The following AMPH variants were observed in gnomAD, a reference collection of about 807,000 sequenced individuals.
The protein encoded by AMPH is amphiphysin (Stiff-Mann syndrome with breast cancer 128kD autoantigen).
Under a neutral mutation model 99.1 loss-of-function variants are expected in AMPH, and 49 were observed. That is an observed-to-expected ratio of 0.49 (90% CI 0.39 to 0.63). The LOEUF (loss-of-function observed/expected upper bound fraction) is 0.63, where lower values mean the gene tolerates loss of function less well. Among genes scored for constraint, AMPH ranks in the 20% least tolerant of loss-of-function variants. The pLI is 0.00. For missense variants in AMPH, 759 were observed against 863.4 expected, an observed-to-expected ratio of 0.88 and a Z score of 1.52; for synonymous variants, 314 against 317.3, an observed-to-expected ratio of 0.99 and a Z score of 0.11.
chr7:38,581,650 A>G (rs1266746752), intron 1 of AMPH, among the ~76,000 whole-genome samples: 2 of 152,202 alleles, frequency 1.3e-5, no homozygotes, highest in Admixed American at 6.5e-5. Flanking sequence ...TAGTGGAGCA[A>G]GGAAAGGACA....
chr7:38,594,609 C>T (rs1410920612), intron 1 of AMPH, among the ~76,000 whole-genome samples: 3 of 152,080 alleles, frequency 2.0e-5, no homozygotes, highest in Non-Finnish European at 4.4e-5. Flanking sequence ...GCATCTCTTC[C>T]ACTCCAATGG....
chr7:38,513,417 G>C (rs116882114), intron 2 of AMPH, among the ~76,000 whole-genome samples: 1 of 152,232 alleles, frequency 6.6e-6, no homozygotes, highest in East Asian at 1.9e-4. Context: ...GCTGAAAATG[G>C]GATTGTGGAA....
intron 2 of AMPH, among the ~76,000 whole-genome samples, chr7:38,521,913 A>G (rs568136364): frequency 1.1e-4 from 16 of 152,326 alleles, no homozygotes; most frequent in Admixed American, 9.8e-4. Flanking sequence ...GTCACCAGAC[A>G]TTGAAAATTC....
At chr7:38,506,925 G>A (rs767293191) in intron 2 of AMPH, among the ~76,000 whole-genome samples, 82 of 152,166 alleles carry the variant, frequency 5.4e-4, no homozygotes, top group Non-Finnish European at 1.1e-3. Context: ...GTTAAGCAAG[G>A]CTCACTTCTC....
At chr7:38,550,204 C>A (rs1051384559) in intron 1 of AMPH, among the ~76,000 whole-genome samples, 4 of 152,200 alleles carry the variant, frequency 2.6e-5, no homozygotes, top group African/African-American at 9.7e-5. Flanking sequence ...TAAATCCTTG[C>A]CACTTAAAGT....
intron 7 of AMPH, among the ~76,000 whole-genome samples, chr7:38,473,674 G>T (rs1490231340): frequency 2.1e-5 from 1 of 48,566 alleles, no homozygotes; most frequent in Non-Finnish European, 3.3e-5. Flanking sequence ...ACTGCAGTCC[G>T]CAGTCCGACC....
rs751967424 is a variant in AMPH at position 38,477,019 on chromosome 7, C to T, written c.397-50G>A. ...AAGAAAGAAGCATGGACATAAGAGT[C>T]TCCCTTTGACAGCCAGGTGCCAAAA... On this transcript the variant is annotated intron_variant, in intron 5 of 20. Coordinates refer to ENST00000356264, the MANE Select transcript of AMPH (RefSeq NM_001635.4). 12 of 1,539,126 alleles carry T rather than the reference C, an allele frequency of 7.8e-6. No homozygotes were observed. The South Asian group carries it at 1.2e-4, about 16-fold the overall frequency.
At chr7:38,556,337 G>C (rs1324452245) in intron 1 of AMPH, among the ~76,000 whole-genome samples, 6 of 152,162 alleles carry the variant, frequency 3.9e-5, no homozygotes, top group African/African-American at 1.4e-4. Flanking sequence ...GACACCTGCT[G>C]TATGCCAGAC....
chr7:38,480,893 C>T (rs1294010598), intron 5 of AMPH, among the ~76,000 whole-genome samples: 4 of 152,132 alleles, frequency 2.6e-5, no homozygotes, highest in African/African-American at 9.7e-5. Flanking sequence ...TAATATCTTC[C>T]AAGTAGCAAA....
rs545133853 is a variant in AMPH at position 38,450,080 on chromosome 7, C to T, written c.1017+11203G>A. ...GAAAAGCCAATGGTGCTCAATTGGT[C>T]CCAACACTCAGGATTGAAAGGCTGT... On this transcript the variant is annotated intron_variant, in intron 11 of 20. Coordinates refer to ENST00000356264, the MANE Select transcript of AMPH (RefSeq NM_001635.4). Among the ~76,000 whole-genome samples, 14 of 152,260 alleles carry T rather than the reference C, an allele frequency of 9.2e-5. No individual in the cohort carries two copies. In the South Asian group the frequency reaches 2.5e-3, roughly 27 times the overall value.
intron 1 of AMPH, among the ~76,000 whole-genome samples, chr7:38,611,034 T>C (rs1345967910): frequency 6.6e-6 from 1 of 152,236 alleles, no homozygotes; most frequent in Non-Finnish European, 1.5e-5. Flanking sequence ...CACTGTGGCA[T>C]TATTCACAAT....
intron 15 of AMPH, 102 bp from the exon 16 acceptor site, chr7:38,422,579 T>TATCTATCA: frequency 1.3e-6 from 1 of 771,388 alleles, no homozygotes. Flanking sequence ...TCTATCTATC[T>TATCTATCA]ATCTATCTAT....
At chr7:38,473,665 C>A (rs1269511957) in intron 7 of AMPH, among the ~76,000 whole-genome samples, 1 of 52,614 alleles carries the variant, frequency 1.9e-5, no homozygotes. Flanking sequence ...GATTGCGCCA[C>A]TGCAGTCCGC....
chr7:38,387,499 G>C (rs1784379546), intron 20 of AMPH, among the ~76,000 whole-genome samples: 1 of 152,082 alleles, frequency 6.6e-6, no homozygotes, highest in East Asian at 1.9e-4. Flanking sequence ...AGATGAAAAA[G>C]TCACTGGATA....
intron 2 of AMPH, among the ~76,000 whole-genome samples, chr7:38,526,167 A>T (rs1238592416): frequency 6.6e-6 from 1 of 152,112 alleles, no homozygotes; most frequent in Admixed American, 6.5e-5. Context: ...GTGTGGTTTT[A>T]ATTTGCATTT....
At chr7:38,429,896 G>A (rs1452833137) in intron 13 of AMPH, 31 bp from the exon 14 acceptor site, 2 of 1,592,782 alleles carry the variant, frequency 1.3e-6, no homozygotes, top group Non-Finnish European at 1.7e-6. Context: ...GTAACAATAA[G>A]GCGAGAGAGA....
At chr7:38,397,942 G>A (rs550930150) in intron 17 of AMPH, among the ~76,000 whole-genome samples, 4 of 151,956 alleles carry the variant, frequency 2.6e-5, no homozygotes, top group African/African-American at 7.2e-5. Flanking sequence ...AATGCAAATC[G>A]AAACTACAAT....
chr7:38,568,596 G>T (rs6956102), intron 1 of AMPH, among the ~76,000 whole-genome samples: 1 of 152,174 alleles, frequency 6.6e-6, no homozygotes, highest in African/African-American at 2.4e-5. Flanking sequence ...GCATTATTAC[G>T]GTTACTATGA....
chr7:38,590,631 C>T (rs1792821864), intron 1 of AMPH, among the ~76,000 whole-genome samples: 1 of 152,164 alleles, frequency 6.6e-6, no homozygotes, highest in Non-Finnish European at 1.5e-5. Flanking sequence ...CTGCTCTTAG[C>T]CTAATTTGTA....
Sources: gnomAD v4.1 joint callset for allele counts (sites outside exome capture counted in the v4.1 genomes callset) on GRCh38, gnomAD v4.1.1 for gene constraint, MANE v1.5 for transcripts, NCBI Gene and HGNC (gene_info 2026-07-23, HGNC 2026-07-21) for gene names.